MAP2K3: variants seen among roughly 807,000 people sequenced by gnomAD.
MAP2K3 encodes mitogen-activated protein kinase kinase 3, also known as dual specificity mitogen-activated protein kinase kinase 3.
In MAP2K3, 30 loss-of-function variants were observed where a neutral mutation model predicts 46.4. The observed-to-expected ratio is 0.65, with a 90% CI of 0.48 to 0.88. The LOEUF (loss-of-function observed/expected upper bound fraction) is 0.88, where lower values mean the gene tolerates loss of function less well. Among genes scored for constraint, MAP2K3 ranks in the 40% least tolerant of loss-of-function variants. The pLI, the probability that MAP2K3 is intolerant of heterozygous loss-of-function variation, is 0.00. For missense variants in MAP2K3, 380 were observed against 464.5 expected (o/e 0.82, Z 1.67); for synonymous variants, 189 against 176.3 (o/e 1.07, Z -0.57).
Position 21,300,642 on chromosome 17 carries a change from C to G in MAP2K3, c.263C>G (p.Thr88Ser). 1.2e-6 allele frequency: 2 copies of G among 1,610,458 alleles called. No individual in the cohort carries two copies. The highest frequency in any genetic ancestry group is 1.7e-6 in the Non-Finnish European group (2 of 1,178,374). ...AAGGTGCGGCACGCCCAGAGCGGCA[C>G]CATCATGGCCGTGAAGGTGAGCAGG... ...VEKVRHAQSGTIMAVKRIRAT... is the reference protein window; with the variant it reads ...VEKVRHAQSGSIMAVKRIRAT... The change falls in exon 4 of 12, where the codon ACC becomes AGC. Residue 88 changes from threonine to serine, a missense_variant. Thr to Ser is a moderately conservative substitution (Grantham distance 58). Around this residue, in one of 5 missense-constraint regions of MAP2K3, gnomAD observed 294 missense variants for 275.4 expected, o/e 1.07. Coordinates refer to ENST00000342679, the MANE Select transcript of MAP2K3 (RefSeq NM_145109.3).
chr17:21,294,755 C>A (rs890320795), intron 1 of MAP2K3, among the ~76,000 whole-genome samples: 2 of 152,310 alleles, frequency 1.3e-5, no homozygotes, highest in Non-Finnish European at 2.9e-5. Flanking sequence ...CCAGATGGCC[C>A]CATCTAATCT....
chr17:21,285,102 T>C, intron 1 of MAP2K3, 133 bp downstream of exon 1: 1 of 1,341,618 alleles, frequency 7.5e-7, no homozygotes, highest in Non-Finnish European at 1.0e-6. Flanking sequence ...CGGAACCCCT[T>C]CCTGTTCGGG....
intron 10 of MAP2K3, 81 bp downstream of exon 10, chr17:21,312,362 A>T (rs1977208214): frequency 1.4e-6 from 2 of 1,414,140 alleles, no homozygotes; most frequent in Admixed American, 3.2e-5. Context: ...CTGTTCCTTT[A>T]TTCCTTTGGC....
intron 1 of MAP2K3, chr17:21,287,970 C>T (rs1975768449): frequency 7.3e-6 from 9 of 1,233,298 alleles, no homozygotes; most frequent in South Asian, 2.5e-5. Flanking sequence ...GGACTTCCCC[C>T]ACCCCTCTTG....
rs1976770078 is a variant in MAP2K3 at position 21,304,340 on chromosome 17, G to A, written c.569-86G>A. The A allele has an allele frequency of 2.5e-6, 4 of 1,604,078 alleles. No homozygotes were observed. The Admixed American group carries it at 5.0e-5, about 20-fold the overall frequency. ...GGGGCACAGGAGGGGTCTTGGGCGA[G>A]GGAGGGGGGCACAGCTATGCAGAGC... On this transcript the variant is annotated intron_variant, in intron 7 of 11. Transcript: ENST00000342679.
At chr17:21,298,962 C>G in intron 3 of MAP2K3, 36 bp downstream of exon 3, 1 of 1,613,430 alleles carries the variant, frequency 6.2e-7, no homozygotes, top group Non-Finnish European at 8.5e-7. Flanking sequence ...GGGCCTCTCA[C>G]TTCACCTGAC....
intron 1 of MAP2K3, among the ~76,000 whole-genome samples, chr17:21,290,884 G>A (rs1975882186): frequency 6.6e-6 from 1 of 152,312 alleles, no homozygotes; most frequent in Non-Finnish European, 1.5e-5. Context: ...CTGGGAGGTT[G>A]AGGCTGCAAT....
At chr17:21,299,428 T>C (rs1316971490) in intron 3 of MAP2K3, among the ~76,000 whole-genome samples, 2 of 152,296 alleles carry the variant, frequency 1.3e-5, no homozygotes, top group African/African-American at 2.4e-5. Flanking sequence ...ACACCTGTAA[T>C]CCCCACACTT....
At chr17:21,303,767 C>T (rs948768708) in intron 7 of MAP2K3, among the ~76,000 whole-genome samples, 4 of 152,308 alleles carry the variant, frequency 2.6e-5, no homozygotes, top group African/African-American at 9.6e-5. Context: ...GAGCACAAGT[C>T]TATTTTTCCA....
intron 1 of MAP2K3, among the ~76,000 whole-genome samples, chr17:21,287,747 C>G (rs1014196765): frequency 1.3e-5 from 2 of 152,252 alleles, no homozygotes; most frequent in Non-Finnish European, 2.9e-5. Flanking sequence ...TGTTGTCGTT[C>G]AGAACATGGG....
intron 1 of MAP2K3, chr17:21,285,435 C>T (rs1975696928): frequency 3.7e-6 from 1 of 271,344 alleles, no homozygotes. Flanking sequence ...GAGTCTCCAT[C>T]TGGGCCCCAG....
At chr17:21,293,617 A>G (rs1174053445) in intron 1 of MAP2K3, among the ~76,000 whole-genome samples, 42 of 152,394 alleles carry the variant, frequency 2.8e-4, no homozygotes, top group Admixed American at 2.3e-3. Context: ...TGTAGGGTAG[A>G]GAGGTGGGGA....
intron 1 of MAP2K3, among the ~76,000 whole-genome samples, chr17:21,294,518 G>A (rs938528464): frequency 2.0e-5 from 3 of 152,308 alleles, no homozygotes; most frequent in African/African-American, 7.2e-5. Flanking sequence ...CGAAGTGGGG[G>A]CCCTGCCCTC....
At chr17:21,295,908 C>T in intron 1 of MAP2K3, 1 of 1,268,210 alleles carries the variant, frequency 7.9e-7, no homozygotes, top group South Asian at 1.3e-5. Flanking sequence ...GTGGACCCCA[C>T]AGGGAAAGGG....
At position 21,314,416 on chromosome 17, in the gene MAP2K3, G is replaced by A. The variant is rs868509087; in HGVS notation, c.*186G>A. 3.3e-6 allele frequency: 2 copies of A among 605,922 alleles called. No homozygotes were observed. Among genetic ancestry groups the A allele is most frequent in the Non-Finnish European group, 5.9e-6 (2 of 339,974 alleles). 37.5% of individuals were successfully genotyped at this position (605,922 alleles called of 1,614,324 possible). A position where few individuals can be genotyped will look rare whatever the true frequency, so the allele number is the denominator to read the frequency against. The stretch of plus-strand genomic sequence containing the variant: ...CCAAGTGCCAAAGAAGCAGACCATT[G>A]GGGCTCCCAGCCAGGCCCTTGTCGG... On this transcript the variant is annotated 3_prime_UTR_variant, in exon 12 of 12. Transcript: ENST00000342679.
At chr17:21,293,953 C>T (rs1280901927) in intron 1 of MAP2K3, among the ~76,000 whole-genome samples, 1 of 152,308 alleles carries the variant, frequency 6.6e-6, no homozygotes, top group East Asian at 1.9e-4. Flanking sequence ...CCCCCTGCTG[C>T]CCACAGGTGC....
chr17:21,296,287 G>A lies in MAP2K3; in HGVS notation c.50-2126G>A, dbSNP rs1222998960. On this transcript the variant is annotated intron_variant, in intron 1 of 11. Transcript: ENST00000342679. Reference sequence around the variant, plus strand: ...CAGAGGAGGGCACCATGCCAGGGTCGCAGAGCTGGAGTTTACCACGGCTGC... The same window carrying A: ...CAGAGGAGGGCACCATGCCAGGGTCACAGAGCTGGAGTTTACCACGGCTGC... The A allele has an allele frequency of 1.1e-3, 1,081 of 976,678 alleles. No individual in the cohort carries two copies. The African/African-American group carries it at 0.013, about 11-fold the overall frequency. 60.5% of individuals were successfully genotyped at this position (976,678 alleles called of 1,614,324 possible).
At position 21,315,120 on chromosome 17, in the gene MAP2K3, A is replaced by T. The variant is rs1249323045; in HGVS notation, c.*890A>T. On this transcript the variant is annotated 3_prime_UTR_variant, in exon 12 of 12. Coordinates refer to ENST00000342679, the MANE Select transcript of MAP2K3 (RefSeq NM_145109.3). ...ATGGGTTTGCTTTGGTGTTGTTTTTAAAAAAAGAAAATATATTTTTTTGAA... is the reference window on the plus strand; with the variant it reads ...ATGGGTTTGCTTTGGTGTTGTTTTTTAAAAAAGAAAATATATTTTTTTGAA... 2 of 151,848 alleles carry T rather than the reference A, an allele frequency of 1.3e-5. No individual in the cohort carries two copies. Among genetic ancestry groups the T allele is most frequent in the African/African-American group, 2.4e-5 (1 of 41,274 alleles). 9.4% of individuals were successfully genotyped at this position (151,848 alleles called of 1,614,324 possible).
chr17:21,286,679 A>G (rs926888216), intron 1 of MAP2K3, among the ~76,000 whole-genome samples: 1 of 152,206 alleles, frequency 6.6e-6, no homozygotes, highest in African/African-American at 2.4e-5. Flanking sequence ...GAGGCTTTTT[A>G]GCTCTCCAGG....
Sources: gnomAD v4.1 joint callset for allele counts (sites outside exome capture counted in the v4.1 genomes callset) on GRCh38, gnomAD v4.1.1 for gene constraint, gnomAD v4.1.1 regional missense constraint, MANE v1.5 for transcripts, NCBI Gene and HGNC (gene_info 2026-07-23, HGNC 2026-07-21) for gene names.